The following FUT8 variants were observed in gnomAD, a reference collection of about 807,000 sequenced individuals.
The protein encoded by FUT8 is alpha-(1,6)-fucosyltransferase.
FUT8 carries 29 observed loss-of-function variants against 71.3 expected under a neutral mutation model. The ratio of observed to expected loss-of-function variants is 0.41; its 90% CI spans 0.30 to 0.55. The LOEUF is 0.55. FUT8 is among the 20% of genes least tolerant of loss of function. The pLI, the probability that FUT8 is intolerant of heterozygous loss-of-function variation, is 0.34. For synonymous variants in FUT8, 254 were observed against 239.3 expected (o/e 1.06, Z -0.57); for missense variants, 544 against 702.1 (o/e 0.77, Z 2.55).
intron 2 of FUT8, among the ~76,000 whole-genome samples, chr14:65,465,272 A>G (rs192794991): frequency 2.3e-4 from 35 of 152,282 alleles, no homozygotes; most frequent in African/African-American, 8.4e-4. Context: ...CTTTTTTAAC[A>G]TATACATTCA....
intron 9 of FUT8, among the ~76,000 whole-genome samples, chr14:65,730,560 C>G (rs1223966525): frequency 6.6e-6 from 1 of 152,036 alleles, no homozygotes; most frequent in African/African-American, 2.4e-5. Context: ...GTGGTCCCAG[C>G]CACTCAGGAG....
At chr14:65,376,155 A>G in the FUT8 span, among the ~76,000 whole-genome samples, 1 of 152,144 alleles carries the variant, frequency 6.6e-6, no homozygotes, top group Admixed American at 6.5e-5. Context: ...GAAAGCATAG[A>G]GTAAAACCAA....
At chr14:65,648,685 A>G (rs1196821091) in intron 6 of FUT8, among the ~76,000 whole-genome samples, 4 of 152,342 alleles carry the variant, frequency 2.6e-5, no homozygotes, top group Non-Finnish European at 5.9e-5. Flanking sequence ...ATCGGGTTCC[A>G]CAAGAGGGAA....
chr14:65,722,306 G>A (rs1374232291), intron 8 of FUT8, among the ~76,000 whole-genome samples: 2 of 150,756 alleles, frequency 1.3e-5, no homozygotes, highest in Non-Finnish European at 2.9e-5. Context: ...TTTTGTTGTT[G>A]TTATTTTTGA....
At chr14:65,684,853 C>T (rs1226690181) in intron 7 of FUT8, among the ~76,000 whole-genome samples, 3 of 152,172 alleles carry the variant, frequency 2.0e-5, no homozygotes, top group Non-Finnish European at 4.4e-5. Flanking sequence ...TCAATTAAAC[C>T]TCTTTTCTTT....
chr14:65,584,390 G>C (rs1041443720), intron 3 of FUT8, among the ~76,000 whole-genome samples: 1 of 152,172 alleles, frequency 6.6e-6, no homozygotes, highest in Non-Finnish European at 1.5e-5. Flanking sequence ...ATGTTGGCCA[G>C]GCTGGTCTCG....
intron 6 of FUT8, among the ~76,000 whole-genome samples, chr14:65,650,707 C>CAAAAAA (rs57971519): frequency 6.2e-4 from 74 of 118,906 alleles, no homozygotes; most frequent in African/African-American, 1.3e-3. Flanking sequence ...CTGCTAATTA[C>CAAAAAA]AAAAAAAAAA....
intron 2 of FUT8, among the ~76,000 whole-genome samples, chr14:65,465,273 T>TA (rs2066025984): frequency 6.6e-6 from 1 of 152,234 alleles, no homozygotes; most frequent in African/African-American, 2.4e-5. Flanking sequence ...TTTTTTAACA[T>TA]ATACATTCAA....
the FUT8 span, among the ~76,000 whole-genome samples, chr14:65,394,773 C>T: frequency 1.3e-4 from 15 of 113,976 alleles, no homozygotes; most frequent in African/African-American, 3.4e-4. Context: ...TTTTTTGAGA[C>T]GGAGTCTTGC....
In FUT8 at chr14:65,607,419, A is replaced by G. The variant is rs1888643191; in HGVS notation, c.204-8559A>G. ...TTATAATGAATAAGTATTAAATTTTATCTAATGATTTTTTGTTTCCATTGA... is the reference window on the plus strand; with the variant it reads ...TTATAATGAATAAGTATTAAATTTTGTCTAATGATTTTTTGTTTCCATTGA... On this transcript the variant is annotated intron_variant, in intron 3 of 10. Transcript: ENST00000673929. This position sits in a 1 kb window ranked among gnomAD's most constrained non-coding sequence, Gnocchi z 4.1. 6.6e-6 allele frequency among the ~76,000 whole-genome samples: 1 copy of G among 151,912 alleles called. No individual in the cohort carries two copies. The highest frequency in any genetic ancestry group is 2.1e-4 in the South Asian group (1 of 4,794).
chr14:65,621,424 A>G (rs1209143481), intron 5 of FUT8, among the ~76,000 whole-genome samples: 2 of 150,756 alleles, frequency 1.3e-5, no homozygotes, highest in Non-Finnish European at 3.0e-5. Context: ...TGATTTTTGT[A>G]TTTTTAGTAG....
chr14:65,518,503 T>C (rs1297817792), intron 2 of FUT8, among the ~76,000 whole-genome samples: 1 of 152,098 alleles, frequency 6.6e-6, no homozygotes, highest in Non-Finnish European at 1.5e-5. Flanking sequence ...GAACAGTGAC[T>C]GTGGCTTCAT....
chr14:65,432,939 C>G (rs188237700), intron 1 of FUT8, among the ~76,000 whole-genome samples: 3 of 152,230 alleles, frequency 2.0e-5, no homozygotes, highest in Non-Finnish European at 4.4e-5. Flanking sequence ...TATGCCTTTA[C>G]TTTAATAAAC....
At chr14:65,473,692 GT>G (rs2066184907) in intron 2 of FUT8, among the ~76,000 whole-genome samples, 1 of 152,124 alleles carries the variant, frequency 6.6e-6, no homozygotes, top group Non-Finnish European at 1.5e-5. Flanking sequence ...CCAATTTAAT[GT>G]TTGTAGGCTT....
At chr14:65,695,037 G>T (rs1041774546) in intron 7 of FUT8, among the ~76,000 whole-genome samples, 5 of 152,120 alleles carry the variant, frequency 3.3e-5, no homozygotes, top group Non-Finnish European at 7.4e-5. Context: ...AAAACTTAGA[G>T]TATAATAAAT....
At position 65,467,690 on chromosome 14, in the gene FUT8, G is replaced by T. The variant is rs904894847; in HGVS notation, c.-228+11972G>T. ...AGGGTTTCACTATGTTGGCCAGGCTGGTCTCGAACTCCTGACCTCATGGTC... is the reference window on the plus strand; with the variant it reads ...AGGGTTTCACTATGTTGGCCAGGCTTGTCTCGAACTCCTGACCTCATGGTC... On this transcript the variant is annotated intron_variant, in intron 2 of 10. Transcript: ENST00000673929. The surrounding 1 kb of genome is among the most constrained non-coding windows in gnomAD (Gnocchi z 4.1). 21 of 360,036 alleles carry T rather than the reference G, an allele frequency of 5.8e-5. No individual in the cohort carries two copies. Among genetic ancestry groups the T allele is most frequent in the Non-Finnish European group, 1.1e-4 (21 of 190,564 alleles). The allele number at this position is 360,036 out of a possible 1,614,324, so 22.3% of individuals were successfully genotyped here.
chr14:65,580,429 T>C (rs924865414), intron 3 of FUT8, among the ~76,000 whole-genome samples: 6 of 151,796 alleles, frequency 4.0e-5, no homozygotes, highest in African/African-American at 1.5e-4. Flanking sequence ...TATATATATA[T>C]GTGTATATAA....
chr14:65,505,754 AC>A (rs2066722547), intron 2 of FUT8, among the ~76,000 whole-genome samples: 2 of 151,528 alleles, frequency 1.3e-5, no homozygotes, highest in Admixed American at 1.3e-4. Flanking sequence ...TTCTCATTTG[AC>A]TTTTTTTTGC....
chr14:65,402,485 G>A, the FUT8 span, among the ~76,000 whole-genome samples: 1 of 151,576 alleles, frequency 6.6e-6, no homozygotes, highest in East Asian at 1.9e-4. Context: ...TGGCTAACAC[G>A]GTGAAACCCC....
Sources: gnomAD v4.1 joint callset for allele counts (sites outside exome capture counted in the v4.1 genomes callset) on GRCh38, gnomAD v4.1.1 for gene constraint, Gnocchi (gnomAD v3.1) non-coding constraint, MANE v1.5 for transcripts, NCBI Gene and HGNC (gene_info 2026-07-23, HGNC 2026-07-21) for gene names.